Variants in EDC3 observed in about 807,000 individuals in gnomAD.
EDC3 encodes enhancer of mRNA decapping 3.
EDC3 carries 20 observed loss-of-function variants against 41.8 expected under a neutral mutation model. The observed-to-expected ratio is 0.48, with a 90% CI of 0.34 to 0.70. EDC3 has a LOEUF of 0.70. EDC3 is among the 30% of genes least tolerant of loss of function. The probability of loss-of-function intolerance (pLI) is 0.01; values close to 1 mark genes in which losing one functional copy is unlikely to be tolerated. For synonymous variants in EDC3, 206 were observed against 243.2 expected, an observed-to-expected ratio of 0.85 and a Z score of 1.42; for missense variants, 444 against 636.8, an observed-to-expected ratio of 0.70 and a Z score of 3.26.
chr15:74,660,381 G>A (rs2062607117), intron 3 of EDC3, among the ~76,000 whole-genome samples: 1 of 151,504 alleles, frequency 6.6e-6, no homozygotes, highest in Non-Finnish European at 1.5e-5. Context: ...CTGCACTCCA[G>A]CCTTGGGGAC....
At chr15:74,638,056 C>T (rs183549878) in intron 5 of EDC3, 1 of 152,258 alleles carries the variant, frequency 6.6e-6, no homozygotes, top group African/African-American at 2.4e-5. Flanking sequence ...TTTGATTGAT[C>T]TCTCAGCACT....
chr15:74,691,450 C>T (rs949709076), intron 1 of EDC3, among the ~76,000 whole-genome samples: 2 of 152,176 alleles, frequency 1.3e-5, no homozygotes, highest in African/African-American at 4.8e-5. Context: ...ATACCGATCA[C>T]ATAGGGAACT....
chr15:74,658,625 A>AG lies in EDC3; in HGVS notation c.485-2558_485-2557insC, dbSNP rs2062579819. On this transcript the variant is annotated intron_variant, in intron 3 of 6. Coordinates refer to ENST00000315127, the MANE Select transcript of EDC3 (RefSeq NM_025083.5). ...AGTGAAGATGCAATTTACGTCTCTG[A>AG]AAAAAAAAAAAAAAAAAAAAAAAAA... is the stretch of plus-strand genomic sequence containing the variant. Among the ~76,000 whole-genome samples the AG allele has an allele frequency of 6.7e-5, 5 of 74,106 alleles. No homozygotes were observed. The East Asian group carries it at 4.1e-3, about 60-fold the overall frequency. 48.6% of individuals were successfully genotyped at this position (74,106 alleles called of 152,430 possible).
intron 6 of EDC3, chr15:74,635,127 A>T: frequency 1.6e-6 from 1 of 633,764 alleles, no homozygotes; most frequent in Non-Finnish European, 2.9e-6. Context: ...AATGGATTTA[A>T]AAAAATCTGT....
At chr15:74,660,414 AAT>A (rs10582490) in intron 3 of EDC3, among the ~76,000 whole-genome samples, 132,807 of 144,886 alleles carry the variant, frequency 0.92, 61,284 homozygotes, top group Non-Finnish European at 0.98. Context: ...CGTCTCCAAA[AAT>A]ATATATATAT....
intron 1 of EDC3, among the ~76,000 whole-genome samples, chr15:74,687,353 G>A (rs1486566952): frequency 6.6e-6 from 1 of 152,054 alleles, no homozygotes; most frequent in Non-Finnish European, 1.5e-5. Context: ...GAATTAGCAG[G>A]CTCATACAGG....
intron 5 of EDC3, chr15:74,640,151 C>A: frequency 3.5e-6 from 1 of 288,478 alleles, no homozygotes; most frequent in Non-Finnish European, 6.5e-6. Flanking sequence ...TGATGAGTGC[C>A]AAAGGCCAGG....
intron 6 of EDC3, among the ~76,000 whole-genome samples, chr15:74,634,915 G>A (rs570386989): frequency 1.6e-4 from 25 of 152,172 alleles, no homozygotes; most frequent in South Asian, 8.3e-4. Context: ...CATCTCACCA[G>A]AGTAAAAGCC....
At chr15:74,670,009 AATTTTTTTTTTTTT>A (rs2141646398) in intron 3 of EDC3, among the ~76,000 whole-genome samples, 1 of 129,332 alleles carries the variant, frequency 7.7e-6, no homozygotes, top group East Asian at 2.4e-4. Flanking sequence ...ACGCCCAGCT[AATTTTTTTTTTTTT>A]TTTTTTTTTT....
rs569600963 is a variant in EDC3, at chr15:74,660,218, A to G, written c.485-4150T>C. On this transcript the variant is annotated intron_variant, in intron 3 of 6. Transcript: ENST00000315127. ...TATATGTATATGACCAGCCTGACCA[A>G]CATGGCAAAACCCCGTCTCTACTAA... is the stretch of plus-strand genomic sequence containing the variant. Among the ~76,000 whole-genome samples, 4 of 151,716 alleles carry G rather than the reference A, an allele frequency of 2.6e-5. No individual in the cohort carries two copies. The South Asian group carries it at 8.3e-4, about 32-fold the overall frequency.
chr15:74,688,260 T>C (rs538219057), intron 1 of EDC3, among the ~76,000 whole-genome samples: 2 of 152,362 alleles, frequency 1.3e-5, no homozygotes, highest in South Asian at 2.1e-4. Flanking sequence ...CCATCAATTA[T>C]ACAGCTAACA....
At chr15:74,669,121 A>G (rs143236083) in intron 3 of EDC3, among the ~76,000 whole-genome samples, 3,543 of 152,112 alleles carry the variant, frequency 0.023, 144 homozygotes, top group African/African-American at 0.081. Flanking sequence ...CTGTAATCTC[A>G]GCACTTTGGG....
intron 3 of EDC3, among the ~76,000 whole-genome samples, chr15:74,663,885 A>C (rs976174745): frequency 2.0e-5 from 3 of 152,128 alleles, no homozygotes; most frequent in African/African-American, 7.2e-5. Context: ...GAGACGCCTT[A>C]ATTCTGCCTT....
At chr15:74,634,752 G>A (rs2062251034) in intron 6 of EDC3, among the ~76,000 whole-genome samples, 1 of 151,992 alleles carries the variant, frequency 6.6e-6, no homozygotes, top group Non-Finnish European at 1.5e-5. Context: ...TCTTGTCTTA[G>A]CCACCATAAT....
intron 5 of EDC3, chr15:74,636,083 C>T (rs916417669): frequency 1.8e-5 from 3 of 167,738 alleles, no homozygotes; most frequent in African/African-American, 4.8e-5. Flanking sequence ...AACTCTGAAC[C>T]GCCTTTTCTT....
At chr15:74,646,062 T>C (rs1461685322) in intron 4 of EDC3, among the ~76,000 whole-genome samples, 3 of 138,686 alleles carry the variant, frequency 2.2e-5, no homozygotes, top group African/African-American at 8.9e-5. Context: ...TGTTGTTGTT[T>C]TGTTTTTTTT....
chr15:74,681,519 A>G (rs1182646319), intron 1 of EDC3, among the ~76,000 whole-genome samples: 1 of 152,192 alleles, frequency 6.6e-6, no homozygotes, highest in Non-Finnish European at 1.5e-5. Context: ...CACAATTATG[A>G]TAATCAAGAC....
chr15:74,683,329 G>A (rs1281238236), intron 1 of EDC3, among the ~76,000 whole-genome samples: 1 of 152,220 alleles, frequency 6.6e-6, no homozygotes, highest in Non-Finnish European at 1.5e-5. Context: ...GAGGTCAGGA[G>A]TTCAAAACCA....
intron 2 of EDC3, 50 bp downstream of exon 2, chr15:74,674,911 G>T: frequency 6.2e-7 from 1 of 1,606,428 alleles, no homozygotes. Flanking sequence ...CTAGGTTCAA[G>T]CTCCACAGAC....
Sources: allele counts gnomAD v4.1 joint callset (sites outside exome capture counted in the v4.1 genomes callset), GRCh38; gene constraint gnomAD v4.1.1; transcripts MANE v1.5; gene names NCBI Gene and HGNC (gene_info 2026-07-23, HGNC 2026-07-21).